PSPC1: variants seen among roughly 807,000 people sequenced by gnomAD.
PSPC1 encodes paraspeckle component 1, also known as paraspeckle protein 1.
PSPC1 carries 14 observed loss-of-function variants against 51.6 expected under a neutral mutation model. The ratio of observed to expected loss-of-function variants is 0.27; its 90% CI spans 0.18 to 0.42. The LOEUF (loss-of-function observed/expected upper bound fraction) is 0.42. Among genes scored for constraint, PSPC1 ranks in the 10% least tolerant of loss-of-function variants. The pLI is 1.00. For synonymous variants in PSPC1, 193 were observed against 231.9 expected, an observed-to-expected ratio of 0.83 and a Z score of 1.53; for missense variants, 406 against 701.1, an observed-to-expected ratio of 0.58 and a Z score of 4.75.
intron 8 of PSPC1, among the ~76,000 whole-genome samples, 177 bp downstream of exon 8, chr13:19,705,485 C>T (rs1880533712): frequency 6.7e-6 from 1 of 149,070 alleles, no homozygotes; most frequent in Non-Finnish European, 1.5e-5. Context: ...GTGCGAGACT[C>T]TCTGTCTCAA....
At chr13:19,764,455 C>CT (rs1460753818) in intron 2 of PSPC1, among the ~76,000 whole-genome samples, 1 of 151,878 alleles carries the variant, frequency 6.6e-6, no homozygotes, top group Non-Finnish European at 1.5e-5. Context: ...TGTGACTGAT[C>CT]TTTCCTCATT....
chr13:19,725,348 G>C (rs1883254032), intron 6 of PSPC1, among the ~76,000 whole-genome samples: 2 of 152,156 alleles, frequency 1.3e-5, no homozygotes, highest in South Asian at 4.1e-4. Context: ...GAGGTACTGT[G>C]CTCAGTGAGC....
chr13:19,752,287 T>C (rs548792819), intron 3 of PSPC1, among the ~76,000 whole-genome samples: 4 of 152,334 alleles, frequency 2.6e-5, no homozygotes, highest in Admixed American at 6.5e-5. Context: ...CAAATGTGGC[T>C]GTTAAATGCT....
At chr13:19,758,184 G>A (rs1019142846) in intron 3 of PSPC1, among the ~76,000 whole-genome samples, 1 of 151,852 alleles carries the variant, frequency 6.6e-6, no homozygotes, top group Non-Finnish European at 1.5e-5. Context: ...ATGGTGGTGG[G>A]CGCCTGTGGT....
chr13:19,723,306 A>C (rs986948689), intron 6 of PSPC1, among the ~76,000 whole-genome samples: 7 of 152,216 alleles, frequency 4.6e-5, no homozygotes, highest in African/African-American at 1.7e-4. Flanking sequence ...AATCAATACA[A>C]TTAAGTGTCC....
intron 6 of PSPC1, among the ~76,000 whole-genome samples, chr13:19,726,224 T>C (rs1171799064): frequency 6.6e-6 from 1 of 152,188 alleles, no homozygotes; most frequent in Admixed American, 6.5e-5. Flanking sequence ...ACATCAAGCA[T>C]GCCTTCCACT....
intron 6 of PSPC1, among the ~76,000 whole-genome samples, chr13:19,712,300 C>T (rs1425856262): frequency 6.6e-6 from 1 of 152,166 alleles, no homozygotes; most frequent in East Asian, 1.9e-4. Context: ...TACAGTCTCA[C>T]TGCTTGAGAT....
At chr13:19,671,227 T>C (rs2137548518), downstream of PSPC1, 1 of 1,614,148 alleles carries the variant, frequency 6.2e-7, no homozygotes, top group Non-Finnish European at 8.5e-7. Flanking sequence ...TGTTTACTCA[T>C]TCAGCCCTGT....
chr13:19,704,282 C>T (rs535268094), intron 8 of PSPC1, among the ~76,000 whole-genome samples: 2 of 152,352 alleles, frequency 1.3e-5, no homozygotes, highest in East Asian at 1.9e-4. Flanking sequence ...CTGTGTTAAG[C>T]GCCATCTGTT....
At chr13:19,780,037 C>T (rs1889751918) in intron 1 of PSPC1, among the ~76,000 whole-genome samples, 1 of 140,492 alleles carries the variant, frequency 7.1e-6, no homozygotes, top group Admixed American at 6.9e-5. Flanking sequence ...GCCCGGCCAG[C>T]CGCCCCGTCC....
intron 6 of PSPC1, among the ~76,000 whole-genome samples, chr13:19,714,929 C>T (rs1289300521): frequency 3.9e-5 from 6 of 152,178 alleles, no homozygotes; most frequent in Non-Finnish European, 1.5e-5. Context: ...TTCTTTGATG[C>T]GTTTTAATTA....
At chr13:19,730,461 C>T (rs55858933) in intron 5 of PSPC1, 117 bp from the exon 6 acceptor site, 13 of 846,756 alleles carry the variant, frequency 1.5e-5, no homozygotes, top group East Asian at 4.9e-5. Flanking sequence ...CCTGTAATCA[C>T]GACTGACCAC....
At chr13:19,761,393 G>A (rs1157884422) in intron 2 of PSPC1, among the ~76,000 whole-genome samples, 2 of 152,072 alleles carry the variant, frequency 1.3e-5, no homozygotes, top group African/African-American at 4.8e-5. Flanking sequence ...TTTGAGATCG[G>A]CTCTTCACCA....
At chr13:19,740,942 T>G (rs1885379472) in intron 5 of PSPC1, among the ~76,000 whole-genome samples, 1 of 151,916 alleles carries the variant, frequency 6.6e-6, no homozygotes. Flanking sequence ...TGGCAAGATC[T>G]CAGATCACTG....
rs532762514 is a variant in PSPC1 at position 19,680,261 on chromosome 13, A to C, written c.1159-2438T>G. Among the ~76,000 whole-genome samples, 28 of 152,262 alleles carry C rather than the reference A, an allele frequency of 1.8e-4. 2 individuals are homozygous for C. The South Asian group carries it at 5.8e-3, about 32-fold the overall frequency. ...AACTCCTGACCCCAGGTGATCCACC[A>C]GCCTCAGCCTCCCAAAGTGCTGGGA... is the stretch of plus-strand genomic sequence containing the variant. On this transcript the variant is annotated intron_variant and NMD_transcript_variant, in intron 6 of 7. Transcript: ENST00000471658.
intron 6 of PSPC1, among the ~76,000 whole-genome samples, chr13:19,715,158 G>A (rs1881944436): frequency 6.6e-6 from 1 of 152,116 alleles, no homozygotes; most frequent in African/African-American, 2.4e-5. Context: ...GGTAAATATT[G>A]ATATAATCCT....
downstream of PSPC1, among the ~76,000 whole-genome samples, chr13:19,701,021 T>G (rs1248592456): frequency 6.6e-6 from 1 of 152,302 alleles, no homozygotes; most frequent in Non-Finnish European, 1.5e-5. Context: ...AGAAGCTGAC[T>G]GCTCCCAGCG....
intron 6 of PSPC1, among the ~76,000 whole-genome samples, chr13:19,724,224 G>A (rs1883096641): frequency 6.6e-6 from 1 of 152,072 alleles, no homozygotes; most frequent in Non-Finnish European, 1.5e-5. Flanking sequence ...CTTCTGCTCT[G>A]GAATCTTCAC....
intron 6 of PSPC1, among the ~76,000 whole-genome samples, chr13:19,681,038 C>G (rs1238571148): frequency 2.0e-5 from 3 of 151,986 alleles, no homozygotes; most frequent in Non-Finnish European, 4.4e-5. Flanking sequence ...GGCAACATAG[C>G]AAGATGACTC....
Sources: gnomAD v4.1 joint callset for allele counts (sites outside exome capture counted in the v4.1 genomes callset) on GRCh38, gnomAD v4.1.1 for gene constraint, MANE v1.5 for transcripts, NCBI Gene and HGNC (gene_info 2026-07-23, HGNC 2026-07-21) for gene names.